The following MAML2 variants were observed in gnomAD, a reference collection of about 807,000 sequenced individuals.
MAML2 encodes the protein mastermind like transcriptional coactivator 2.
Under a neutral mutation model 96.1 loss-of-function variants are expected in MAML2, and 22 were observed. The ratio of observed to expected loss-of-function variants is 0.23; its 90% CI spans 0.16 to 0.33. The LOEUF is 0.33. MAML2 is among the 10% of genes least tolerant of loss of function. MAML2 has a pLI of 1.00. For synonymous variants in MAML2, 561 were observed against 521.3 expected (o/e 1.08, Z -1.04); for missense variants, 1,367 against 1,392.4 (o/e 0.98, Z 0.29).
intron 3 of MAML2, among the ~76,000 whole-genome samples, chr11:95,987,770 A>G (rs1284549003): frequency 6.6e-6 from 1 of 152,236 alleles, no homozygotes. Flanking sequence ...TTTTTTGCAC[A>G]TAAGTAATTC....
chr11:96,159,583 G>A (rs1324757486), intron 1 of MAML2, among the ~76,000 whole-genome samples: 1 of 151,748 alleles, frequency 6.6e-6, no homozygotes, highest in Non-Finnish European at 1.5e-5. Flanking sequence ...CCGCCACCAT[G>A]CCCAGCTAAT....
At position 96,092,490 on chromosome 11, in the gene MAML2, A is replaced by C. The variant is rs1274073376; in HGVS notation, c.1541T>G (p.Met514Arg). ...CTGGGCTGAGGGGCCGGCCTTGTAC[A>C]TGTAGTTAGCCATTACTTTCGACTG... is the stretch of plus-strand genomic sequence containing the variant. ...SGQSKVMANYMYKAGPSAQGG... is the reference protein window; with the variant it reads ...SGQSKVMANYRYKAGPSAQGG... The change falls in exon 2 of 5, where the codon ATG (methionine) becomes AGG (arginine). Residue 514 changes from methionine (M) to arginine (R), a missense_variant. Met to Arg is a moderately conservative substitution (Grantham distance 91, BLOSUM62 -1). Transcript: ENST00000524717. This position sits in a 1 kb window ranked among gnomAD's most constrained non-coding sequence, Gnocchi z 4.1. 1 of 1,604,672 alleles carries C rather than the reference A, an allele frequency of 6.2e-7. No homozygotes were observed. Among genetic ancestry groups the C allele is most frequent in the Non-Finnish European group, 8.5e-7 (1 of 1,174,630 alleles).
At chr11:96,048,088 A>G (rs767196678) in intron 2 of MAML2, among the ~76,000 whole-genome samples, 9 of 151,950 alleles carry the variant, frequency 5.9e-5, no homozygotes, top group Non-Finnish European at 1.3e-4. Flanking sequence ...GTTCATACCC[A>G]CTCTGTGCTA....
At chr11:96,153,854 T>C (rs1591042866) in intron 1 of MAML2, among the ~76,000 whole-genome samples, 1 of 151,998 alleles carries the variant, frequency 6.6e-6, no homozygotes, top group Admixed American at 6.6e-5. Context: ...GAGGTTGTAG[T>C]GAGCCAAGAT....
chr11:96,143,793 C>G (rs537404446), intron 1 of MAML2, among the ~76,000 whole-genome samples: 1 of 152,304 alleles, frequency 6.6e-6, no homozygotes, highest in African/African-American at 2.4e-5. Context: ...TCCAGGAGCC[C>G]CTCTGAAAGA....
intron 1 of MAML2, among the ~76,000 whole-genome samples, chr11:96,334,567 T>G (rs2136019670): frequency 6.6e-6 from 1 of 152,280 alleles, no homozygotes; most frequent in African/African-American, 2.4e-5. Context: ...ACAAGCCAAC[T>G]GTAACAGTTC....
intron 2 of MAML2, among the ~76,000 whole-genome samples, chr11:96,021,923 C>T (rs1285394468): frequency 6.6e-6 from 1 of 152,186 alleles, no homozygotes; most frequent in East Asian, 1.9e-4. Context: ...CAACCCAGAT[C>T]CAAGACTGTG....
chr11:96,093,533 G>A lies in MAML2; in HGVS notation c.514-16C>T, dbSNP rs765021853. 4.7e-6 allele frequency: 7 copies of A among 1,494,764 alleles called. No individual in the cohort carries two copies. Among genetic ancestry groups the A allele is most frequent in the South Asian group, 3.8e-5 (3 of 78,888 alleles). 92.6% of individuals were successfully genotyped at this position (1,494,764 alleles called of 1,614,324 possible). A position where few individuals can be genotyped will look rare whatever the true frequency, so the allele number is the denominator to read the frequency against. ...AACCCTGGAGCTGAAAGACAGAAGGGAATAAAAAGGAAAAATAAGAAATAT... is the reference window on the plus strand; with the variant it reads ...AACCCTGGAGCTGAAAGACAGAAGGAAATAAAAAGGAAAAATAAGAAATAT... On this transcript the variant is annotated splice_polypyrimidine_tract_variant and intron_variant, in intron 1 of 4. Coordinates refer to ENST00000524717, the MANE Select transcript of MAML2 (RefSeq NM_032427.4).
At chr11:96,266,907 T>C in intron 1 of MAML2, among the ~76,000 whole-genome samples, 1 of 152,188 alleles carries the variant, frequency 6.6e-6, no homozygotes, top group Non-Finnish European at 1.5e-5. Flanking sequence ...TAGAAATACG[T>C]GAGGCTTAAT....
Position 96,243,767 on chromosome 11 carries a change from C to T in MAML2, c.513+97616G>A, listed in dbSNP as rs1162789754. Reference sequence around the variant, plus strand: ...CTCCCAGGTTCATGCCATTCTCCTGCCTCAGCCTTCCGAGTAGCTGGGACT... The same window carrying T: ...CTCCCAGGTTCATGCCATTCTCCTGTCTCAGCCTTCCGAGTAGCTGGGACT... On this transcript the variant is annotated intron_variant, in intron 1 of 4. Transcript: ENST00000524717. 2.6e-5 allele frequency among the ~76,000 whole-genome samples: 4 copies of T among 151,680 alleles called. No individual in the cohort carries two copies. The East Asian group carries it at 7.8e-4, about 29-fold the overall frequency.
In MAML2 at chr11:96,091,879, G is replaced by T; in HGVS notation, c.2139+13C>A. The T allele has an allele frequency of 6.2e-7, 1 of 1,608,648 alleles. No individual in the cohort carries two copies. The highest frequency in any genetic ancestry group is 1.3e-5 in the African/African-American group (1 of 74,966). On this transcript the variant is annotated intron_variant, in intron 2 of 4. Transcript: ENST00000524717. ...CTCTGGGAACTCTGTATTTGGAGTA[G>T]TAGAGCCCTTACCTGTCTCTGTTGT...
chr11:96,026,681 T>G (rs1175790708), intron 2 of MAML2, among the ~76,000 whole-genome samples: 2 of 152,000 alleles, frequency 1.3e-5, no homozygotes, highest in Non-Finnish European at 2.9e-5. Context: ...TGACTAAAAT[T>G]CAACAGGATA....
intron 1 of MAML2, among the ~76,000 whole-genome samples, chr11:96,245,902 A>C (rs747295877): frequency 1.1e-4 from 17 of 151,994 alleles, no homozygotes; most frequent in South Asian, 2.1e-4. Flanking sequence ...ACGGGGTTTC[A>C]CCATGTTGGT....
At chr11:96,158,277 C>T (rs931394653) in intron 1 of MAML2, among the ~76,000 whole-genome samples, 6 of 152,186 alleles carry the variant, frequency 3.9e-5, no homozygotes, top group African/African-American at 1.4e-4. Context: ...GTTGGTTTCC[C>T]TAACACAGTG....
Position 96,270,094 on chromosome 11 carries a change from T to G in MAML2, c.513+71289A>C, listed in dbSNP as rs905257234. ...GACTTGACATCCAAAACTGAGCTCTTGATCTTTTCCTCAAAACTCAATCCT... is the reference window on the plus strand; with the variant it reads ...GACTTGACATCCAAAACTGAGCTCTGGATCTTTTCCTCAAAACTCAATCCT... On this transcript the variant is annotated intron_variant, in intron 1 of 4. Coordinates refer to ENST00000524717, the MANE Select transcript of MAML2 (RefSeq NM_032427.4). Among the ~76,000 whole-genome samples, 15 of 144,020 alleles carry G rather than the reference T, an allele frequency of 1.0e-4. 1 individual carries two copies. The highest frequency in any genetic ancestry group is 2.2e-4 in the Non-Finnish European group (15 of 66,696). 94.5% of individuals were successfully genotyped at this position (144,020 alleles called of 152,430 possible).
At chr11:96,176,010 T>G (rs1384155468) in intron 1 of MAML2, among the ~76,000 whole-genome samples, 1 of 152,194 alleles carries the variant, frequency 6.6e-6, no homozygotes. Context: ...GACTCCTCAA[T>G]GTGTATAGTG....
At chr11:96,080,244 A>C (rs1201759617) in intron 2 of MAML2, among the ~76,000 whole-genome samples, 1 of 152,194 alleles carries the variant, frequency 6.6e-6, no homozygotes, top group Non-Finnish European at 1.5e-5. Context: ...ATACGGCCTA[A>C]AGTTAATAAA....
chr11:96,140,257 T>G lies in MAML2; in HGVS notation c.514-46740A>C, dbSNP rs569947249. 4.6e-5 allele frequency among the ~76,000 whole-genome samples: 7 copies of G among 152,364 alleles called. No homozygotes were observed. In the South Asian group the frequency reaches 1.5e-3, roughly 32 times the overall value. On this transcript the variant is annotated intron_variant, in intron 1 of 4. Coordinates refer to ENST00000524717, the MANE Select transcript of MAML2 (RefSeq NM_032427.4). ...GCTTACCCTGCTAATATCAATTCATTTTCACCTTCTTGCTTTGGCCTGACT... is the reference window on the plus strand; with the variant it reads ...GCTTACCCTGCTAATATCAATTCATGTTCACCTTCTTGCTTTGGCCTGACT...
At chr11:96,237,164 G>A (rs1003102636) in intron 1 of MAML2, among the ~76,000 whole-genome samples, 10 of 152,262 alleles carry the variant, frequency 6.6e-5, no homozygotes, top group Admixed American at 2.6e-4. Context: ...TCCCCTCCCC[G>A]AGTTCTGTAT....
Sources: allele counts gnomAD v4.1 joint callset (sites outside exome capture counted in the v4.1 genomes callset), GRCh38; gene constraint gnomAD v4.1.1; non-coding constraint Gnocchi (gnomAD v3.1); transcripts MANE v1.5; gene names NCBI Gene and HGNC (gene_info 2026-07-23, HGNC 2026-07-21).